Variants in CA10 observed in about 807,000 individuals in gnomAD.
CA10 encodes the protein carbonic anhydrase-related protein 10.
Under a neutral mutation model 44.2 loss-of-function variants are expected in CA10, and 14 were observed. The ratio of observed to expected loss-of-function variants is 0.32; its 90% confidence interval spans 0.21 to 0.50. The LOEUF (loss-of-function observed/expected upper bound fraction) is 0.50. CA10 is among the 20% of genes least tolerant of loss of function. The pLI is 0.99. For synonymous variants in CA10, 159 were observed against 141.6 expected (o/e 1.12, Z -0.87); for missense variants, 350 against 409.7 (o/e 0.85, Z 1.26).
At chr17:52,026,636 G>A (rs1004739781) in intron 2 of CA10, among the ~76,000 whole-genome samples, 1 of 152,144 alleles carries the variant, frequency 6.6e-6, no homozygotes, top group Admixed American at 6.5e-5. Flanking sequence ...GAAGCAAACA[G>A]ATCCTTCTTC....
At chr17:51,750,104 G>A (rs1267653932) in intron 3 of CA10, among the ~76,000 whole-genome samples, 1 of 152,126 alleles carries the variant, frequency 6.6e-6, no homozygotes, top group Non-Finnish European at 1.5e-5. Context: ...ACAGATTTGT[G>A]TTAGACGTGA....
intron 4 of CA10, among the ~76,000 whole-genome samples, chr17:51,677,089 GT>G (rs1914649461): frequency 6.6e-6 from 1 of 152,148 alleles, no homozygotes; most frequent in African/African-American, 2.4e-5. Context: ...ACAGACCAGG[GT>G]TTGAATTCTG....
chr17:51,728,491 G>T (rs1007890974), intron 4 of CA10, among the ~76,000 whole-genome samples: 1 of 151,982 alleles, frequency 6.6e-6, no homozygotes, highest in Non-Finnish European at 1.5e-5. Context: ...TGCTTTTCAC[G>T]ATCTTCACAC....
At chr17:52,113,966 A>T (rs893986501) in intron 1 of CA10, among the ~76,000 whole-genome samples, 1 of 152,222 alleles carries the variant, frequency 6.6e-6, no homozygotes, top group Admixed American at 6.5e-5. Flanking sequence ...CTCCTGTAGC[A>T]AAAACAGGAG....
intron 4 of CA10, among the ~76,000 whole-genome samples, chr17:51,743,902 T>C (rs536132719): frequency 6.6e-6 from 1 of 152,322 alleles, no homozygotes; most frequent in African/African-American, 2.4e-5. Flanking sequence ...CAAACCTGCA[T>C]GTGTACACTT....
intron 2 of CA10, among the ~76,000 whole-genome samples, chr17:52,052,256 C>A (rs952776966): frequency 2.1e-5 from 3 of 145,852 alleles, no homozygotes; most frequent in Non-Finnish European, 3.0e-5. Context: ...AGGTAACAAA[C>A]AAACCTGCAC....
At chr17:51,764,449 G>A (rs1270518988) in intron 3 of CA10, among the ~76,000 whole-genome samples, 1 of 152,188 alleles carries the variant, frequency 6.6e-6, no homozygotes, top group Non-Finnish European at 1.5e-5. Context: ...AAGGCTATGT[G>A]TCTCCTTCAC....
At chr17:51,916,442 T>C (rs1218015816) in intron 3 of CA10, among the ~76,000 whole-genome samples, 1 of 152,184 alleles carries the variant, frequency 6.6e-6, no homozygotes, top group African/African-American at 2.4e-5. Flanking sequence ...GAGACGGATC[T>C]GGTGGGAGGT....
At chr17:51,692,185 A>G (rs949847050) in intron 4 of CA10, among the ~76,000 whole-genome samples, 1 of 144,830 alleles carries the variant, frequency 6.9e-6, no homozygotes, top group Non-Finnish European at 1.5e-5. Flanking sequence ...TTAGTGTTTT[A>G]TAGGTTTCCT....
chr17:52,057,341 TCAACATGAAGA>T (rs1320798460), intron 2 of CA10, among the ~76,000 whole-genome samples: 11 of 152,084 alleles, frequency 7.2e-5, no homozygotes, highest in African/African-American at 2.7e-4. Context: ...CTCAGCCTAC[TCAACATGAAGA>T]CAAGGATGAA....
chr17:51,946,743 C>T (rs1219064809), intron 2 of CA10, among the ~76,000 whole-genome samples: 1 of 152,124 alleles, frequency 6.6e-6, no homozygotes, highest in South Asian at 2.1e-4. Flanking sequence ...CTGTTTTATC[C>T]AATGTCTCTG....
At chr17:52,033,440 T>A (rs1315178302) in intron 2 of CA10, among the ~76,000 whole-genome samples, 1 of 152,174 alleles carries the variant, frequency 6.6e-6, no homozygotes, top group African/African-American at 2.4e-5. Context: ...TAAACCCACA[T>A]GTGTATCCAA....
intron 4 of CA10, among the ~76,000 whole-genome samples, chr17:51,715,760 A>G (rs1567814342): frequency 6.6e-6 from 1 of 151,682 alleles, no homozygotes; most frequent in Non-Finnish European, 1.5e-5. Flanking sequence ...GCTCAATCTC[A>G]GCTCACTGCA....
intron 2 of CA10, among the ~76,000 whole-genome samples, chr17:51,959,883 A>C (rs2144048327): frequency 6.6e-6 from 1 of 151,918 alleles, no homozygotes; most frequent in South Asian, 2.1e-4. Context: ...TATAATACTC[A>C]AATGACCATA....
chr17:51,909,817 C>A (rs943735576), intron 3 of CA10, among the ~76,000 whole-genome samples: 4 of 152,108 alleles, frequency 2.6e-5, no homozygotes, highest in Admixed American at 6.6e-5. Context: ...CAGAAAGTAA[C>A]AAGAATGTCG....
chr17:51,970,436 T>C (rs1474263498), intron 2 of CA10, among the ~76,000 whole-genome samples: 1 of 152,076 alleles, frequency 6.6e-6, no homozygotes, highest in Non-Finnish European at 1.5e-5. Flanking sequence ...ATGGAAAGTC[T>C]AAAAATCGGA....
chr17:52,010,906 G>T (rs994611249), intron 2 of CA10, among the ~76,000 whole-genome samples: 2 of 147,518 alleles, frequency 1.4e-5, no homozygotes, highest in Non-Finnish European at 3.0e-5. Flanking sequence ...AATGAGCAGG[G>T]AATGAAGTCA....
In CA10 at chr17:51,885,714, G is replaced by T. The variant is rs191063174; in HGVS notation, c.279+45276C>A. ...ACAAATCTTCTCCATTCAACTGGGAGATCTTTCAGACAGGGGCCAATGCCT... is the reference window on the plus strand; with the variant it reads ...ACAAATCTTCTCCATTCAACTGGGATATCTTTCAGACAGGGGCCAATGCCT... On this transcript the variant is annotated intron_variant, in intron 3 of 8. Transcript: ENST00000451037. 1.9e-3 allele frequency among the ~76,000 whole-genome samples: 285 copies of T among 152,340 alleles called. 1 individual carries two copies. The highest frequency in any genetic ancestry group is 6.4e-3 in the African/African-American group (268 of 41,578).
intron 2 of CA10, among the ~76,000 whole-genome samples, chr17:52,050,926 C>T (rs147318182): frequency 6.6e-6 from 1 of 151,714 alleles, no homozygotes; most frequent in East Asian, 1.9e-4. Context: ...CACTGCTATA[C>T]ACCCAGACCC....
Sources: gnomAD v4.1 joint callset for allele counts (sites outside exome capture counted in the v4.1 genomes callset) on GRCh38, gnomAD v4.1.1 for gene constraint, MANE v1.5 for transcripts, NCBI Gene and HGNC (gene_info 2026-07-23, HGNC 2026-07-21) for gene names.